SAMD12: variants seen among roughly 807,000 people sequenced by gnomAD.
SAMD12 encodes the protein sterile alpha motif domain-containing protein 12.
In SAMD12, 9 loss-of-function variants were observed where a neutral mutation model predicts 15.0. The ratio of observed to expected loss-of-function variants is 0.60; its 90% CI spans 0.36 to 1.05. The LOEUF (loss-of-function observed/expected upper bound fraction) is 1.05. SAMD12 is among the 50% of genes least tolerant of loss of function. The pLI is 0.01. For missense variants in SAMD12, 230 were observed against 234.2 expected (o/e 0.98, Z 0.12); for synonymous variants, 86 against 90.1 (o/e 0.96, Z 0.25).
chr8:118,507,878 A>G (rs1055917113), intron 2 of SAMD12, among the ~76,000 whole-genome samples: 7 of 152,064 alleles, frequency 4.6e-5, no homozygotes, highest in African/African-American at 1.7e-4. Context: ...GGCTCCTGGA[A>G]CCAATCCCCA....
intron 3 of SAMD12, among the ~76,000 whole-genome samples, chr8:118,439,132 C>T (rs1342652944): frequency 6.6e-6 from 1 of 152,182 alleles, no homozygotes; most frequent in African/African-American, 2.4e-5. Flanking sequence ...GGTTCACTAT[C>T]CTGGCCTATT....
chr8:118,447,818 C>T (rs1417078504), intron 2 of SAMD12, among the ~76,000 whole-genome samples: 9 of 151,764 alleles, frequency 5.9e-5, no homozygotes, highest in African/African-American at 1.9e-4. Flanking sequence ...CTCCGCCTCC[C>T]GGGTTCACAC....
intron 2 of SAMD12, among the ~76,000 whole-genome samples, chr8:118,493,848 C>A (rs779643567): frequency 8.5e-5 from 13 of 152,106 alleles, no homozygotes; most frequent in Admixed American, 5.2e-4. Context: ...CAGACTGAAC[C>A]CTGGCATCAC....
chr8:118,460,107 T>C (rs534544238), intron 2 of SAMD12, among the ~76,000 whole-genome samples: 2 of 152,230 alleles, frequency 1.3e-5, no homozygotes, highest in African/African-American at 4.8e-5. Context: ...CTCTGATCTG[T>C]TCTGAATTCT....
intron 2 of SAMD12, among the ~76,000 whole-genome samples, chr8:118,549,030 G>A (rs1340812752): frequency 6.6e-6 from 1 of 152,266 alleles, no homozygotes; most frequent in Non-Finnish European, 1.5e-5. Context: ...CCAGGAAGCT[G>A]GAACTGGGTG....
intron 4 of SAMD12, among the ~76,000 whole-genome samples, chr8:118,296,026 T>G (rs1586460227): frequency 6.6e-6 from 1 of 152,260 alleles, no homozygotes; most frequent in Middle Eastern, 3.4e-3. Context: ...CTTGCTTTTA[T>G]GAAGTCAAAA....
At chr8:118,581,128 G>A (rs977944171) in intron 1 of SAMD12, among the ~76,000 whole-genome samples, 2 of 152,120 alleles carry the variant, frequency 1.3e-5, no homozygotes, top group African/African-American at 4.8e-5. Flanking sequence ...ATTCCAAGTT[G>A]TTTGACTTTC....
chr8:118,392,243 G>A (rs1820317698), intron 3 of SAMD12, among the ~76,000 whole-genome samples: 2 of 152,194 alleles, frequency 1.3e-5, no homozygotes, highest in South Asian at 4.1e-4. Context: ...CCTGGCCCAC[G>A]TGGTGAAACC....
At chr8:118,318,327 T>TATATATATATATATATATATATAC (rs1816041036) in intron 4 of SAMD12, among the ~76,000 whole-genome samples, 31 of 35,038 alleles carry the variant, frequency 8.8e-4, no homozygotes, top group Middle Eastern at 0.022. Context: ...TATATATATA[T>TATATATATATATATATATATATAC]ATATATATAT....
chr8:118,206,131 A>C (rs1819856473), intron 4 of SAMD12, among the ~76,000 whole-genome samples: 1 of 152,158 alleles, frequency 6.6e-6, no homozygotes, highest in Non-Finnish European at 1.5e-5. Context: ...GAGCTTCTTA[A>C]CATTTTTCTT....
intron 4 of SAMD12, among the ~76,000 whole-genome samples, chr8:118,226,212 G>C (rs992055103): frequency 3.3e-5 from 5 of 152,154 alleles, no homozygotes; most frequent in Admixed American, 2.6e-4. Context: ...AGGAAGCTAA[G>C]TTGCTAGCAA....
chr8:118,481,433 C>A (rs1215475621), intron 2 of SAMD12, among the ~76,000 whole-genome samples: 1 of 151,972 alleles, frequency 6.6e-6, no homozygotes, highest in Non-Finnish European at 1.5e-5. Context: ...TGGTTGGCTG[C>A]TAAACTGGTA....
At chr8:118,388,145 TA>T (rs372482829) in intron 3 of SAMD12, among the ~76,000 whole-genome samples, 13 of 152,180 alleles carry the variant, frequency 8.5e-5, no homozygotes, top group African/African-American at 2.9e-4. Flanking sequence ...GGGAACAGCA[TA>T]GGCAAAGATG....
intron 4 of SAMD12, among the ~76,000 whole-genome samples, chr8:118,217,953 A>G (rs930227222): frequency 2.0e-5 from 3 of 152,202 alleles, no homozygotes; most frequent in East Asian, 3.9e-4. Context: ...TTGAGGTCCA[A>G]ATTCTCCATG....
chr8:118,291,553 C>A (rs566639205), intron 4 of SAMD12, among the ~76,000 whole-genome samples: 1 of 152,092 alleles, frequency 6.6e-6, no homozygotes, highest in African/African-American at 2.4e-5. Flanking sequence ...CCAAATCAGG[C>A]GAGTTTCCAG....
intron 2 of SAMD12, among the ~76,000 whole-genome samples, chr8:118,446,075 G>A (rs532204441): frequency 4.6e-5 from 7 of 152,122 alleles, no homozygotes; most frequent in East Asian, 3.9e-4. Context: ...CAATGTATTC[G>A]TTATTTTCCC....
intron 2 of SAMD12, among the ~76,000 whole-genome samples, chr8:118,575,260 T>G (rs937441718): frequency 1.3e-5 from 2 of 152,206 alleles, no homozygotes; most frequent in African/African-American, 4.8e-5. Flanking sequence ...AAGATTCACA[T>G]AATGCATCCC....
intron 2 of SAMD12, among the ~76,000 whole-genome samples, chr8:118,577,677 T>C (rs1827186863): frequency 6.6e-6 from 1 of 152,134 alleles, no homozygotes; most frequent in African/African-American, 2.4e-5. Flanking sequence ...ATTAGTGTAA[T>C]ACCTGGTCAG....
the SAMD12 span, among the ~76,000 whole-genome samples, chr8:118,150,725 A>T: frequency 6.6e-6 from 1 of 152,198 alleles, no homozygotes; most frequent in Non-Finnish European, 1.5e-5. Flanking sequence ...AACTAGGAAG[A>T]AGAGTATTTA....
Sources: gnomAD v4.1 joint callset for allele counts (sites outside exome capture counted in the v4.1 genomes callset) on GRCh38, gnomAD v4.1.1 for gene constraint, MANE v1.5 for transcripts, NCBI Gene and HGNC (gene_info 2026-07-23, HGNC 2026-07-21) for gene names.